PAX7: variants seen among roughly 807,000 people sequenced by gnomAD.
PAX7 encodes paired box 7.
Under a neutral mutation model 50.7 loss-of-function variants are expected in PAX7, and 18 were observed. The ratio of observed to expected loss-of-function variants is 0.36; its 90% CI spans 0.25 to 0.53. The LOEUF (loss-of-function observed/expected upper bound fraction) is 0.53, where lower values mean the gene tolerates loss of function less well. PAX7 is among the 20% of genes least tolerant of loss of function. PAX7 has a pLI of 0.93. For missense variants in PAX7, 644 were observed against 702.9 expected, an observed-to-expected ratio of 0.92 and a Z score of 0.95; for synonymous variants, 310 against 290.4, an observed-to-expected ratio of 1.07 and a Z score of -0.69.
In PAX7 at chr1:18,631,518, G is replaced by T. The variant is rs1392867642; in HGVS notation, c.-86G>T. ...TAAAAAAAAGAAGACGAAGAAGACG[G>T]AAAGAAAGAGATCGCAGCAGGGGTG... On this transcript the variant is annotated 5_prime_UTR_variant, in exon 1 of 9. Transcript: ENST00000420770. 8.9e-7 allele frequency: 1 copy of T among 1,120,666 alleles called. No homozygotes were observed. The highest frequency in any genetic ancestry group is 2.5e-5 in the East Asian group (1 of 40,058). 69.4% of individuals were successfully genotyped at this position (1,120,666 alleles called of 1,614,324 possible).
At chr1:18,722,644 A>T (rs2089509512) in intron 7 of PAX7, among the ~76,000 whole-genome samples, 1 of 152,128 alleles carries the variant, frequency 6.6e-6, no homozygotes, top group Non-Finnish European at 1.5e-5. Context: ...CAGGGCGTCG[A>T]CATAGCTGGA....
intron 6 of PAX7, among the ~76,000 whole-genome samples, chr1:18,702,332 C>T (rs542216055): frequency 6.6e-6 from 1 of 152,040 alleles, no homozygotes; most frequent in Admixed American, 6.6e-5. Flanking sequence ...GAGTGAGACT[C>T]CATCTCAAAA....
chr1:18,689,767 CT>C (rs1012561683), intron 4 of PAX7, among the ~76,000 whole-genome samples: 8 of 152,234 alleles, frequency 5.3e-5, no homozygotes, highest in African/African-American at 1.9e-4. Context: ...CCCAGCATGC[CT>C]TTTGACACAC....
At chr1:18,724,712 G>C (rs921315250) in intron 7 of PAX7, among the ~76,000 whole-genome samples, 1 of 152,214 alleles carries the variant, frequency 6.6e-6, no homozygotes, top group African/African-American at 2.4e-5. Flanking sequence ...TAATTGTGGA[G>C]ACTGGGGCAA....
At chr1:18,719,525 G>T (rs1296193116) in intron 7 of PAX7, among the ~76,000 whole-genome samples, 3 of 152,236 alleles carry the variant, frequency 2.0e-5, no homozygotes, top group Non-Finnish European at 4.4e-5. Flanking sequence ...AGGGGTCTCT[G>T]ACCAGCGGCA....
At chr1:18,740,402 G>A (rs1931068430) in intron 8 of PAX7, among the ~76,000 whole-genome samples, 1 of 152,182 alleles carries the variant, frequency 6.6e-6, no homozygotes, top group Non-Finnish European at 1.5e-5. Flanking sequence ...GTGGCCAGAG[G>A]CACAAGCAGG....
chr1:18,659,389 C>A (rs546214332), intron 4 of PAX7, among the ~76,000 whole-genome samples: 1 of 152,188 alleles, frequency 6.6e-6, no homozygotes, highest in Non-Finnish European at 1.5e-5. Flanking sequence ...CTTTCCCTCC[C>A]CCTCCTTTCC....
At chr1:18,679,396 A>G (rs2088866562) in intron 4 of PAX7, among the ~76,000 whole-genome samples, 1 of 152,172 alleles carries the variant, frequency 6.6e-6, no homozygotes, top group Admixed American at 6.5e-5. Flanking sequence ...TCTCAGGCAT[A>G]TGGTCCTTTC....
intron 4 of PAX7, among the ~76,000 whole-genome samples, chr1:18,666,597 G>A (rs997373310): frequency 1.4e-4 from 22 of 152,216 alleles, no homozygotes; most frequent in African/African-American, 5.1e-4. Context: ...ATGCCAGCCA[G>A]TGATTGTGGG....
chr1:18,705,371 G>C (rs746130224), intron 7 of PAX7, among the ~76,000 whole-genome samples: 11 of 152,194 alleles, frequency 7.2e-5, no homozygotes, highest in Non-Finnish European at 1.5e-5. Context: ...GGGTCCAGGC[G>C]TGGCTTGGTG....
At chr1:18,710,336 C>T (rs2089334925) in intron 7 of PAX7, among the ~76,000 whole-genome samples, 1 of 152,188 alleles carries the variant, frequency 6.6e-6, no homozygotes, top group Non-Finnish European at 1.5e-5. Context: ...GGGAACTGAG[C>T]AGTGCCACTC....
At chr1:18,704,534 C>T (rs905794107) in intron 7 of PAX7, among the ~76,000 whole-genome samples, 2 of 152,038 alleles carry the variant, frequency 1.3e-5, no homozygotes, top group Admixed American at 6.6e-5. Context: ...GCGAGAGAAT[C>T]GCTTGAACCT....
intron 4 of PAX7, among the ~76,000 whole-genome samples, chr1:18,680,910 C>G (rs1479170733): frequency 6.6e-6 from 1 of 152,138 alleles, no homozygotes; most frequent in Non-Finnish European, 1.5e-5. Context: ...GTAATCCCAG[C>G]ACTTTGGGAG....
intron 7 of PAX7, among the ~76,000 whole-genome samples, chr1:18,729,952 G>T (rs1469955194): frequency 1.3e-5 from 2 of 152,150 alleles, no homozygotes; most frequent in East Asian, 3.8e-4. Context: ...AAACTGCACA[G>T]CCCCTGACTG....
At chr1:18,635,511 T>TAGGAAGGAAGGAAGGAAAGA (rs1467361494) in intron 3 of PAX7, among the ~76,000 whole-genome samples, 2 of 134,428 alleles carry the variant, frequency 1.5e-5, no homozygotes, top group Non-Finnish European at 3.2e-5. Context: ...GGAAGGAAGG[T>TAGGAAGGAAGGAAGGAAAGA]AGGAAGGAAG....
At chr1:18,690,690 C>G (rs1400396402) in intron 4 of PAX7, among the ~76,000 whole-genome samples, 1 of 152,238 alleles carries the variant, frequency 6.6e-6, no homozygotes, top group Admixed American at 6.5e-5. Flanking sequence ...AACAGGCCTT[C>G]ACCCACCCCC....
chr1:18,684,403 G>A (rs1290025385), intron 4 of PAX7, among the ~76,000 whole-genome samples: 2 of 152,198 alleles, frequency 1.3e-5, no homozygotes, highest in Non-Finnish European at 2.9e-5. Flanking sequence ...ATCCTCTCCT[G>A]GGCCCCCAAG....
At chr1:18,733,942 A>G (rs1332992126) in intron 7 of PAX7, among the ~76,000 whole-genome samples, 3 of 152,024 alleles carry the variant, frequency 2.0e-5, no homozygotes, top group East Asian at 3.9e-4. Context: ...TTGCCCCACA[A>G]ATCTCTGTGG....
chr1:18,730,365 G>A (rs181293166), intron 7 of PAX7, among the ~76,000 whole-genome samples: 1 of 152,228 alleles, frequency 6.6e-6, no homozygotes, highest in Admixed American at 6.5e-5. Context: ...GTCCCTCTTA[G>A]AGCCTCAGGG....
Sources: allele counts gnomAD v4.1 joint callset (sites outside exome capture counted in the v4.1 genomes callset), GRCh38; gene constraint gnomAD v4.1.1; transcripts MANE v1.5; gene names NCBI Gene and HGNC (gene_info 2026-07-23, HGNC 2026-07-21).